Variants in ANO6 observed in about 807,000 individuals in gnomAD.
ANO6 encodes the protein anoctamin 6.
Under a neutral mutation model 117.5 loss-of-function variants are expected in ANO6, and 106 were observed. That is an observed-to-expected ratio of 0.90 (90% CI 0.77 to 1.06). The LOEUF (loss-of-function observed/expected upper bound fraction) is 1.06. Among genes scored for constraint, ANO6 ranks in the 50% least tolerant of loss-of-function variants. The probability of loss-of-function intolerance (pLI) is 0.00; values close to 1 mark genes in which losing one functional copy is unlikely to be tolerated. For synonymous variants in ANO6, 367 were observed against 385.1 expected, an observed-to-expected ratio of 0.95 and a Z score of 0.55; for missense variants, 955 against 1,121.1, an observed-to-expected ratio of 0.85 and a Z score of 2.12.
chr12:45,310,088 G>A (rs1176899530), intron 2 of ANO6, among the ~76,000 whole-genome samples: 5 of 152,092 alleles, frequency 3.3e-5, no homozygotes, highest in Non-Finnish European at 7.4e-5. Context: ...GAATATGGAG[G>A]AATATTTATT....
chr12:45,335,774 A>G (rs1481775596), intron 3 of ANO6: 1 of 151,922 alleles, frequency 6.6e-6, no homozygotes, highest in African/African-American at 2.4e-5. Flanking sequence ...AATTACTGAA[A>G]ATTTTTGTTG....
rs61265799 is a variant in ANO6, at chr12:45,403,050, T to C, written c.1613-22T>C. ...AGCTGTTCACAATTTTAAAATCTTA[T>C]TTCTCTTTCTTTTAACTACAGAACT... On this transcript the variant is annotated intron_variant, in intron 13 of 19. Transcript: ENST00000320560. 6.5e-3 allele frequency: 10,548 copies of C among 1,611,954 alleles called. 474 individuals carry two copies. In the African/African-American group the frequency reaches 0.11, roughly 17 times the overall value.
At chr12:45,259,686 T>G (rs966231570) in intron 1 of ANO6, among the ~76,000 whole-genome samples, 4 of 152,338 alleles carry the variant, frequency 2.6e-5, no homozygotes, top group African/African-American at 9.6e-5. Context: ...GCCATTATAG[T>G]ATGCCTTCTC....
intron 16 of ANO6, among the ~76,000 whole-genome samples, chr12:45,415,085 C>T (rs1407173545): frequency 1.3e-5 from 2 of 152,066 alleles, no homozygotes; most frequent in Admixed American, 1.3e-4. Flanking sequence ...TTCTTAAATC[C>T]ATTTGGGATT....
intron 15 of ANO6, among the ~76,000 whole-genome samples, chr12:45,407,935 C>T (rs975473806): frequency 2.0e-5 from 3 of 152,182 alleles, no homozygotes; most frequent in African/African-American, 7.2e-5. Context: ...CCTGCTGCCT[C>T]TCTAACATCA....
intron 3 of ANO6, among the ~76,000 whole-genome samples, chr12:45,346,401 A>AT (rs1941132797): frequency 1.3e-5 from 2 of 152,164 alleles, no homozygotes; most frequent in Non-Finnish European, 2.9e-5. Flanking sequence ...TATCTTTTGA[A>AT]ATGGCCATGT....
chr12:45,431,521 T>C lies in ANO6; in HGVS notation c.*2210T>C. The C allele has an allele frequency of 2.0e-6, 2 of 985,254 alleles. No homozygotes were observed. The highest frequency in any genetic ancestry group is 2.4e-6 in the Non-Finnish European group (2 of 829,926). The allele number at this position is 985,254 out of a possible 1,614,324, so 61.0% of individuals were successfully genotyped here. On this transcript the variant is annotated 3_prime_UTR_variant, in exon 20 of 20. Coordinates refer to ENST00000320560, the MANE Select transcript of ANO6 (RefSeq NM_001025356.3). ...CCTCTTCATAGATTAAATGTGCTGC[T>C]GTGGACAGGAGGGGAAAAAAAACCC...
At chr12:45,259,939 T>C (rs1001011905) in intron 1 of ANO6, among the ~76,000 whole-genome samples, 1 of 152,356 alleles carries the variant, frequency 6.6e-6, no homozygotes, top group East Asian at 1.9e-4. Context: ...CATTCCTCCA[T>C]GGCGAGTAAA....
At chr12:45,320,151 CT>C (rs1940207317) in intron 2 of ANO6, among the ~76,000 whole-genome samples, 1 of 151,952 alleles carries the variant, frequency 6.6e-6, no homozygotes, top group East Asian at 1.9e-4. Context: ...TATTTCTTGC[CT>C]TCTGCTAGCT....
At chr12:45,301,869 T>A in intron 1 of ANO6, 145 bp from the exon 2 acceptor site, 1 of 700,902 alleles carries the variant, frequency 1.4e-6, no homozygotes, top group Non-Finnish European at 2.5e-6. Flanking sequence ...TTTTAATATA[T>A]CTGATAGCTG....
At chr12:45,280,879 T>G (rs61923853) in intron 1 of ANO6, among the ~76,000 whole-genome samples, 5,197 of 149,940 alleles carry the variant, frequency 0.035, 191 homozygotes, top group East Asian at 0.18. Flanking sequence ...TATATATATA[T>G]AGAGAGAGAG....
At chr12:45,300,967 C>T (rs1348191851) in intron 1 of ANO6, among the ~76,000 whole-genome samples, 1 of 152,160 alleles carries the variant, frequency 6.6e-6, no homozygotes, top group Non-Finnish European at 1.5e-5. Context: ...TACAGAATGA[C>T]CTACCTTCTT....
At chr12:45,393,154 G>T (rs1942503003) in intron 12 of ANO6, among the ~76,000 whole-genome samples, 1 of 152,294 alleles carries the variant, frequency 6.6e-6, no homozygotes, top group South Asian at 2.1e-4. Context: ...GACCTTAAAT[G>T]ACCTGATGGA....
chr12:45,420,329 A>G (rs1490400741), intron 17 of ANO6, among the ~76,000 whole-genome samples: 1 of 152,182 alleles, frequency 6.6e-6, no homozygotes, highest in African/African-American at 2.4e-5. Flanking sequence ...TTACATGTGC[A>G]AGTCTTCTAG....
intron 1 of ANO6, among the ~76,000 whole-genome samples, chr12:45,269,578 ATAAG>A (rs1938327454): frequency 6.6e-6 from 1 of 152,216 alleles, no homozygotes; most frequent in Admixed American, 6.5e-5. Flanking sequence ...CCATTGCCTA[ATAAG>A]TGGATTTAAG....
At chr12:45,283,062 G>A (rs1483291483) in intron 1 of ANO6, among the ~76,000 whole-genome samples, 2 of 152,138 alleles carry the variant, frequency 1.3e-5, no homozygotes, top group Non-Finnish European at 2.9e-5. Flanking sequence ...GTGTTGTCTG[G>A]ATATTTTAGT....
chr12:45,269,199 A>T (rs1938314509), intron 1 of ANO6, among the ~76,000 whole-genome samples: 2 of 152,128 alleles, frequency 1.3e-5, no homozygotes, highest in Non-Finnish European at 2.9e-5. Context: ...CTGAGGAATT[A>T]CTTTCATTTC....
intron 1 of ANO6, among the ~76,000 whole-genome samples, chr12:45,267,138 G>T (rs1178504086): frequency 1.3e-5 from 2 of 151,994 alleles, no homozygotes; most frequent in African/African-American, 4.8e-5. Flanking sequence ...ACTTTAGACT[G>T]GGTTGTTAAA....
chr12:45,440,077 A>C, exon 20 of ANO6: 1 of 908,280 alleles, frequency 1.1e-6, no homozygotes, highest in Non-Finnish European at 1.5e-6. Flanking sequence ...ATTTTCCTCT[A>C]AATCGTATTT....
Sources: gnomAD v4.1 joint callset for allele counts (sites outside exome capture counted in the v4.1 genomes callset) on GRCh38, gnomAD v4.1.1 for gene constraint, MANE v1.5 for transcripts, NCBI Gene and HGNC (gene_info 2026-07-23, HGNC 2026-07-21) for gene names.